Variants in YME1L1 observed in about 807,000 individuals in gnomAD.
The protein encoded by YME1L1 is YME1 like 1 ATPase, also known as ATP-dependent zinc metalloprotease YME1L1.
A neutral mutation model predicts 90.4 loss-of-function variants in YME1L1; 39 were observed. The ratio of observed to expected loss-of-function variants is 0.43; its 90% CI spans 0.33 to 0.56. The LOEUF is 0.56. Among genes scored for constraint, YME1L1 ranks in the 20% least tolerant of loss-of-function variants. The pLI is 0.03. For synonymous variants in YME1L1, 284 were observed against 287.3 expected (o/e 0.99, Z 0.12); for missense variants, 617 against 868.4 (o/e 0.71, Z 3.64).
intron 2 of YME1L1, chr10:27,147,449 G>T: frequency 6.2e-7 from 1 of 1,614,166 alleles, no homozygotes; most frequent in Non-Finnish European, 8.5e-7. Flanking sequence ...AAGAACGATG[G>T]ACAAAACAAA....
rs1353315180 is a variant in YME1L1 at position 27,119,441 on chromosome 10, G to C, written c.1420C>G (p.Pro474Ala). ...NKIKFDQSVDPEIIARGTVGF... is the reference protein window; with the variant it reads ...NKIKFDQSVDAEIIARGTVGF... ...ACAGTACCTCGAGCTATAATTTCTG[G>C]ATCAACGGCTAATGTAAAAAGAGAA... The change falls in exon 14 of 19, where the codon CCA becomes GCA. Residue 474 changes from proline (P) to alanine (A), a missense_variant. Around this residue, in one of 4 missense-constraint regions of YME1L1, gnomAD observed 212 missense variants for 330.0 expected, o/e 0.64. Transcript: ENST00000376016. 2 of 1,605,026 alleles carry C rather than the reference G, an allele frequency of 1.2e-6. No individual in the cohort carries two copies. Among genetic ancestry groups the C allele is most frequent in the South Asian group, 1.1e-5 (1 of 89,400 alleles).
In YME1L1 at chr10:27,110,548, AT is replaced by A. The variant is rs1283789026; in HGVS notation, c.*1428del. ...CAATGTGTTCTAAAATAATTTTTCTATTGAGTTAAATATTCATCTGTAGATC... is the reference window on the plus strand; with the variant it reads ...CAATGTGTTCTAAAATAATTTTTCTATGAGTTAAATATTCATCTGTAGATC... On this transcript the variant is annotated 3_prime_UTR_variant, in exon 19 of 19. Coordinates refer to ENST00000376016, the MANE Select transcript of YME1L1 (RefSeq NM_014263.4). 6.6e-6 allele frequency: 1 copy of A among 152,168 alleles called. No individual in the cohort carries two copies. The highest frequency in any genetic ancestry group is 6.6e-5 in the Admixed American group (1 of 15,260). The allele number at this position is 152,168 out of a possible 1,614,324, so 9.4% of individuals were successfully genotyped here.
intron 2 of YME1L1, among the ~76,000 whole-genome samples, chr10:27,148,269 C>T (rs1036666867): frequency 6.6e-6 from 1 of 152,042 alleles, no homozygotes; most frequent in Admixed American, 6.6e-5. Context: ...GTGGTGCGAT[C>T]TTGGCTCACA....
intron 4 of YME1L1, among the ~76,000 whole-genome samples, chr10:27,137,576 T>C (rs1040769851): frequency 1.6e-4 from 25 of 152,106 alleles, no homozygotes; most frequent in Non-Finnish European, 3.4e-4. Context: ...TGCTTATGAG[T>C]TTCCTTTTCT....
intron 2 of YME1L1, among the ~76,000 whole-genome samples, chr10:27,148,363 C>A (rs1017685502): frequency 6.6e-6 from 1 of 152,044 alleles, no homozygotes; most frequent in Non-Finnish European, 1.5e-5. Flanking sequence ...CCACCACACC[C>A]GGCTAATTTT....
intron 1 of YME1L1, among the ~76,000 whole-genome samples, chr10:27,153,941 TC>T (rs2057272018): frequency 2.4e-5 from 3 of 127,028 alleles, no homozygotes; most frequent in Non-Finnish European, 3.5e-5. Context: ...AGCCAGGGTC[TC>T]TCTCTATCAC....
At chr10:27,154,132 A>C in intron 1 of YME1L1, 46 bp downstream of exon 1, 1 of 1,563,274 alleles carries the variant, frequency 6.4e-7, no homozygotes, top group Non-Finnish European at 8.7e-7. Flanking sequence ...GCAAACAGCC[A>C]CGGGCAGGGC....
At chr10:27,145,313 ACT>A in intron 3 of YME1L1, 113 bp downstream of exon 3, 3 of 859,924 alleles carry the variant, frequency 3.5e-6, no homozygotes, top group East Asian at 3.1e-5. Flanking sequence ...AAAAAAAAAC[ACT>A]TCAGGAAAGA....
Position 27,112,112 on chromosome 10 carries a change from A to T in YME1L1, c.2016T>A (p.Tyr672Ter). The T allele has an allele frequency of 6.2e-7, 1 of 1,612,796 alleles. No individual in the cohort carries two copies. Among genetic ancestry groups the T allele is most frequent in the Non-Finnish European group, 8.5e-7 (1 of 1,179,650 alleles). Reference sequence around the variant, plus strand: ...TTTTCAAGATATGTTTTGCTCGTTCATATGAGTCCTGAAACAGAAAAGGAG... The same window carrying T: ...TTTTCAAGATATGTTTTGCTCGTTCTTATGAGTCCTGAAACAGAAAAGGAG... ...QEIRILLRDS[Y>*]ERAKHILKTH... The change falls in exon 19 of 19, where the codon TAT becomes TAA. Residue 672 changes from tyrosine to a stop codon, truncating the protein, a stop_gained. Transcript: ENST00000376016. LOFTEE classifies it high-confidence loss of function.
intron 4 of YME1L1, among the ~76,000 whole-genome samples, chr10:27,141,051 T>G (rs927668807): frequency 4.6e-5 from 7 of 152,212 alleles, no homozygotes; most frequent in Non-Finnish European, 1.0e-4. Flanking sequence ...GCTTTAAGTT[T>G]TCCTCAAATA....
At chr10:27,122,433 A>G (rs1207745208) in intron 11 of YME1L1, among the ~76,000 whole-genome samples, 1 of 152,222 alleles carries the variant, frequency 6.6e-6, no homozygotes, top group Non-Finnish European at 1.5e-5. Context: ...CTTGCTTCTT[A>G]TATTATGAAC....
At chr10:27,136,485 C>A in intron 4 of YME1L1, 100 bp from the exon 5 acceptor site, 1 of 944,902 alleles carries the variant, frequency 1.1e-6, no homozygotes. Flanking sequence ...ATATCCTAGT[C>A]TATCTAATTT....
At chr10:27,137,476 C>T (rs192341279) in intron 4 of YME1L1, among the ~76,000 whole-genome samples, 1 of 152,258 alleles carries the variant, frequency 6.6e-6, no homozygotes, top group Non-Finnish European at 1.5e-5. Context: ...GACTGAATTC[C>T]TGAAAGAAAC....
intron 3 of YME1L1, among the ~76,000 whole-genome samples, chr10:27,142,781 C>T (rs1473451521): frequency 2.0e-5 from 3 of 152,104 alleles, no homozygotes; most frequent in African/African-American, 4.8e-5. Context: ...AGTGGCACGA[C>T]CTCGGCTCAC....
chr10:27,134,456 T>G (rs2057006277), intron 6 of YME1L1, among the ~76,000 whole-genome samples: 1 of 152,186 alleles, frequency 6.6e-6, no homozygotes, highest in South Asian at 2.1e-4. Flanking sequence ...ATGCCTGTGA[T>G]CCTAGCTACT....
At chr10:27,152,124 G>A (rs1473722696) in intron 1 of YME1L1, among the ~76,000 whole-genome samples, 1 of 151,490 alleles carries the variant, frequency 6.6e-6, no homozygotes, top group Non-Finnish European at 1.5e-5. Context: ...CCTGGGGGCA[G>A]TAAAAAGAAA....
At chr10:27,137,023 C>CAAA (rs35090363) in intron 4 of YME1L1, among the ~76,000 whole-genome samples, 137 of 136,388 alleles carry the variant, frequency 1.0e-3, no homozygotes, top group African/African-American at 3.7e-3. Flanking sequence ...ACTGTGATTT[C>CAAA]AAAAAAAAAA....
At chr10:27,122,997 A>G in intron 10 of YME1L1, 24 bp from the exon 11 acceptor site, 1 of 1,602,988 alleles carries the variant, frequency 6.2e-7, no homozygotes, top group Non-Finnish European at 8.5e-7. Flanking sequence ...AAACATTCAA[A>G]TAAGCTGAAA....
rs2056818373 is a variant in YME1L1 at position 27,116,862 on chromosome 10, T to C, written c.1720-517A>G. Among the ~76,000 whole-genome samples the C allele has an allele frequency of 2.0e-5, 3 of 151,758 alleles. 1 individual carries two copies. In the South Asian group the frequency reaches 6.2e-4, roughly 31 times the overall value. On this transcript the variant is annotated intron_variant, in intron 15 of 18. Transcript: ENST00000376016. ...GGGCAACATCGCGAGACTCCATCAA[T>C]ATAAAATAAAATAAAAATTTAAAAA...
Sources: gnomAD v4.1 joint callset for allele counts (sites outside exome capture counted in the v4.1 genomes callset) on GRCh38, gnomAD v4.1.1 for gene constraint, gnomAD v4.1.1 regional missense constraint, MANE v1.5 for transcripts, NCBI Gene and HGNC (gene_info 2026-07-23, HGNC 2026-07-21) for gene names.